The following AMBRA1 variants were observed in gnomAD, a reference collection of about 807,000 sequenced individuals.
The protein encoded by AMBRA1 is autophagy and beclin 1 regulator 1, also known as activating molecule in BECN1-regulated autophagy protein 1.
Under a neutral mutation model 125.4 loss-of-function variants are expected in AMBRA1, and 47 were observed. The ratio of observed to expected loss-of-function variants is 0.37; its 90% confidence interval spans 0.30 to 0.48. The LOEUF (loss-of-function observed/expected upper bound fraction) is 0.48. Ranked by LOEUF, AMBRA1 falls within the 20% of genes least tolerant of loss-of-function variation. The pLI is 0.99. For synonymous variants in AMBRA1, 626 were observed against 655.5 expected (o/e 0.95, Z 0.69); for missense variants, 1,331 against 1,693.4 (o/e 0.79, Z 3.76).
At chr11:46,503,060 CAAAAA>C (rs35217088) in intron 9 of AMBRA1, among the ~76,000 whole-genome samples, 1 of 31,024 alleles carries the variant, frequency 3.2e-5, no homozygotes, top group Non-Finnish European at 8.2e-5. Flanking sequence ...GACTCTGTCT[CAAAAA>C]AAAAAAAAAA....
chr11:46,450,751 A>AT (rs1461277349), intron 11 of AMBRA1, among the ~76,000 whole-genome samples: 3 of 152,068 alleles, frequency 2.0e-5, no homozygotes, highest in Non-Finnish European at 4.4e-5. Context: ...CCACAAGGAG[A>AT]TTTTTTAAGC....
chr11:46,546,953 C>T, intron 4 of AMBRA1, 160 bp downstream of exon 4: 1 of 627,768 alleles, frequency 1.6e-6, no homozygotes, highest in Non-Finnish European at 2.7e-6. Flanking sequence ...TGCCTGTAAT[C>T]CCAGCTACTT....
chr11:46,417,879 T>C (rs1946614161), intron 15 of AMBRA1, 34 bp downstream of exon 15: 2 of 1,569,128 alleles, frequency 1.3e-6, no homozygotes, highest in African/African-American at 1.4e-5. Flanking sequence ...TCGGCCCCAG[T>C]GATCCCTCAA....
At chr11:46,512,884 T>C (rs1565236486) in intron 7 of AMBRA1, 71 bp from the exon 8 acceptor site, 7 of 1,404,904 alleles carry the variant, frequency 5.0e-6, no homozygotes, top group Middle Eastern at 1.8e-4. Context: ...TAAGGAAAAA[T>C]GAGGGAGAGA....
At chr11:46,550,750 A>G (rs1486245933) in intron 1 of AMBRA1, among the ~76,000 whole-genome samples, 2 of 152,088 alleles carry the variant, frequency 1.3e-5, no homozygotes, top group African/African-American at 4.8e-5. Context: ...AGGGTACTGG[A>G]TGACTAATCT....
rs189105489 is a variant in AMBRA1, at chr11:46,547,849, G to A, written c.162C>T (p.Arg54=). 4.3e-6 allele frequency: 7 copies of A among 1,609,354 alleles called. No homozygotes were observed. The Admixed American group carries it at 6.7e-5, about 15-fold the overall frequency. Reference sequence around the variant, plus strand: ...GGCTGAAGGCCAATAAGAAGGTAGAGCGTGGACTATCCGGCAGTTCTACTC... The same window carrying A: ...GGCTGAAGGCCAATAAGAAGGTAGAACGTGGACTATCCGGCAGTTCTACTC... ...GKRVELPDSP[R]STFLLAFSPD... The change falls in exon 3 of 18, where the codon CGC becomes CGT. Residue 54 remains arginine, a synonymous_variant. Coordinates refer to ENST00000683756, the MANE Select transcript of AMBRA1 (RefSeq NM_001387011.1).
At chr11:46,565,799 T>C (rs998738103) in intron 1 of AMBRA1, among the ~76,000 whole-genome samples, 1 of 151,974 alleles carries the variant, frequency 6.6e-6, no homozygotes, top group Non-Finnish European at 1.5e-5. Context: ...AGAAGGGGTC[T>C]CCCTCTGTCG....
At chr11:46,433,198 T>A (rs1219826975) in intron 14 of AMBRA1, among the ~76,000 whole-genome samples, 1 of 152,218 alleles carries the variant, frequency 6.6e-6, no homozygotes, top group Admixed American at 6.5e-5. Flanking sequence ...AAGTTTCACG[T>A]AGAAGTAAGG....
intron 7 of AMBRA1, among the ~76,000 whole-genome samples, chr11:46,538,540 C>CTTGA (rs1952589005): frequency 6.6e-6 from 1 of 152,102 alleles, no homozygotes; most frequent in African/African-American, 2.4e-5. Flanking sequence ...GTCGCCCAGG[C>CTTGA]TTGAGTGCAG....
intron 9 of AMBRA1, among the ~76,000 whole-genome samples, chr11:46,498,885 A>C (rs1162386854): frequency 6.6e-6 from 1 of 152,196 alleles, no homozygotes; most frequent in African/African-American, 2.4e-5. Context: ...CAATCTCCAG[A>C]CAACAGAAGG....
At chr11:46,481,313 G>T (rs1051075476) in intron 11 of AMBRA1, among the ~76,000 whole-genome samples, 1 of 152,176 alleles carries the variant, frequency 6.6e-6, no homozygotes, top group Non-Finnish European at 1.5e-5. Flanking sequence ...CTTTCTAGGG[G>T]AAAGGATCTG....
chr11:46,409,774 A>G (rs1946197251), intron 16 of AMBRA1, among the ~76,000 whole-genome samples: 1 of 152,236 alleles, frequency 6.6e-6, no homozygotes, highest in Admixed American at 6.5e-5. Context: ...TAGGGGAAGT[A>G]GCAATTGCTT....
At chr11:46,422,592 G>T (rs1405534544) in intron 14 of AMBRA1, among the ~76,000 whole-genome samples, 1 of 152,050 alleles carries the variant, frequency 6.6e-6, no homozygotes, top group Non-Finnish European at 1.5e-5. Flanking sequence ...GAGGGAGCCA[G>T]GAGGTCAGCG....
At chr11:46,473,656 G>A (rs953707136) in intron 11 of AMBRA1, among the ~76,000 whole-genome samples, 1 of 151,900 alleles carries the variant, frequency 6.6e-6, no homozygotes, top group Non-Finnish European at 1.5e-5. Flanking sequence ...TTCTTTTTTT[G>A]TTTGTTTGTT....
chr11:46,491,503 A>G (rs1950458516), intron 11 of AMBRA1: 1 of 152,226 alleles, frequency 6.6e-6, no homozygotes, highest in Non-Finnish European at 1.5e-5. Context: ...TATTATTATT[A>G]TTGGAATTTT....
intron 7 of AMBRA1, among the ~76,000 whole-genome samples, chr11:46,524,417 T>C (rs981984747): frequency 6.6e-6 from 1 of 152,196 alleles, no homozygotes; most frequent in Non-Finnish European, 1.5e-5. Flanking sequence ...CAAATGTCAA[T>C]AGTGCTGCTG....
chr11:46,521,009 T>G (rs1284892339), intron 7 of AMBRA1, among the ~76,000 whole-genome samples: 1 of 152,196 alleles, frequency 6.6e-6, no homozygotes, highest in African/African-American at 2.4e-5. Flanking sequence ...AGTCATCTTT[T>G]TATCCCCATC....
At chr11:46,568,111 G>A (rs2043601160) in intron 1 of AMBRA1, among the ~76,000 whole-genome samples, 1 of 151,926 alleles carries the variant, frequency 6.6e-6, no homozygotes, top group Admixed American at 6.6e-5. Context: ...TCCTGCCGCT[G>A]CACTCCAGCC....
Position 46,457,091 on chromosome 11 carries a change from C to T in AMBRA1, c.2522-13493G>A, listed in dbSNP as rs561359982. Among the ~76,000 whole-genome samples, 4 of 152,358 alleles carry T rather than the reference C, an allele frequency of 2.6e-5. No individual in the cohort carries two copies. In the South Asian group the frequency reaches 8.3e-4, roughly 32 times the overall value. On this transcript the variant is annotated intron_variant, in intron 11 of 17. Transcript: ENST00000683756. The stretch of plus-strand genomic sequence containing the variant: ...GTGAAAAGCTCCTGTCAAATCAGCA[C>T]CTGTACATTTCAGGGTACAGCATTA...
Sources: allele counts gnomAD v4.1 joint callset (sites outside exome capture counted in the v4.1 genomes callset), GRCh38; gene constraint gnomAD v4.1.1; transcripts MANE v1.5; gene names NCBI Gene and HGNC (gene_info 2026-07-23, HGNC 2026-07-21).